Variants in TYW1B observed in about 807,000 individuals in gnomAD.
The protein encoded by TYW1B is S-adenosyl-L-methionine-dependent tRNA 4-demethylwyosine synthase TYW1B.
TYW1B carries 73 observed loss-of-function variants against 86.9 expected under a neutral mutation model. The ratio of observed to expected loss-of-function variants is 0.84; its 90% CI spans 0.70 to 1.02. The LOEUF is 1.02. TYW1B is among the 50% of genes least tolerant of loss of function. The pLI, the probability that TYW1B is intolerant of heterozygous loss-of-function variation, is 0.00. For missense variants in TYW1B, 637 were observed against 827.4 expected (o/e 0.77, Z 2.82); for synonymous variants, 248 against 292.8 (o/e 0.85, Z 1.56).
chr7:72,823,911 C>T (rs1214157598), intron 2 of TYW1B, among the ~76,000 whole-genome samples: 9 of 152,122 alleles, frequency 5.9e-5, no homozygotes, highest in African/African-American at 1.9e-4. Flanking sequence ...ACTTTCTGTA[C>T]ACCTGGATTT....
At chr7:72,764,322 GC>G (rs782266130) in intron 7 of TYW1B, among the ~76,000 whole-genome samples, 1 of 151,944 alleles carries the variant, frequency 6.6e-6, no homozygotes, top group Non-Finnish European at 1.5e-5. Flanking sequence ...ACTCTCTGTC[GC>G]CCAGACTGGA....
At chr7:72,586,128 C>G (rs1188519577) in intron 13 of TYW1B, among the ~76,000 whole-genome samples, 1 of 152,208 alleles carries the variant, frequency 6.6e-6, no homozygotes, top group South Asian at 2.1e-4. Flanking sequence ...CACATTAACG[C>G]TAACCGAGGG....
intron 5 of TYW1B, among the ~76,000 whole-genome samples, chr7:72,805,589 G>T (rs576166185): frequency 6.6e-6 from 1 of 151,744 alleles, no homozygotes; most frequent in African/African-American, 2.4e-5. Flanking sequence ...CTCTGACTGG[G>T]GGTGACAGAA....
At chr7:72,703,653 G>A (rs1244781452) in intron 10 of TYW1B, among the ~76,000 whole-genome samples, 3 of 151,742 alleles carry the variant, frequency 2.0e-5, no homozygotes, top group Non-Finnish European at 2.9e-5. Flanking sequence ...TCAGGAGTTC[G>A]AGACCAGCCT....
At chr7:72,596,026 A>C (rs571492280) in intron 13 of TYW1B, among the ~76,000 whole-genome samples, 142 of 151,946 alleles carry the variant, frequency 9.3e-4, no homozygotes, top group Non-Finnish European at 1.6e-3. Context: ...AAACACAAAA[A>C]TTAGATGGGC....
At chr7:72,653,730 T>C (rs1813121881) in intron 11 of TYW1B, among the ~76,000 whole-genome samples, 1 of 151,974 alleles carries the variant, frequency 6.6e-6, no homozygotes, top group Admixed American at 6.6e-5. Flanking sequence ...AAAAATAATA[T>C]GATCATATCA....
At chr7:72,674,857 A>G (rs1288216110) in intron 11 of TYW1B, among the ~76,000 whole-genome samples, 1 of 148,664 alleles carries the variant, frequency 6.7e-6, no homozygotes, top group African/African-American at 2.5e-5. Context: ...TCGGCCTCCC[A>G]AAGTGCTGAG....
chr7:72,728,320 T>A (rs1275925638), intron 9 of TYW1B, among the ~76,000 whole-genome samples: 2 of 152,178 alleles, frequency 1.3e-5, no homozygotes, highest in Non-Finnish European at 2.9e-5. Flanking sequence ...ATTTATTTAT[T>A]TCTGAGATGG....
intron 10 of TYW1B, among the ~76,000 whole-genome samples, chr7:72,699,140 C>T (rs1426935550): frequency 1.3e-5 from 2 of 152,014 alleles, no homozygotes; most frequent in African/African-American, 4.8e-5. Context: ...CAAAATCATA[C>T]AAAAGACGTA....
intron 10 of TYW1B, among the ~76,000 whole-genome samples, chr7:72,706,534 T>C (rs1814620588): frequency 6.6e-6 from 1 of 152,168 alleles, no homozygotes; most frequent in Non-Finnish European, 1.5e-5. Context: ...TATTCTCTCC[T>C]TACTCAAAGT....
intron 7 of TYW1B, among the ~76,000 whole-genome samples, chr7:72,758,086 G>A (rs781908467): frequency 1.3e-5 from 2 of 152,076 alleles, no homozygotes; most frequent in Non-Finnish European, 2.9e-5. Flanking sequence ...CAGTCGTGGT[G>A]GCGTGCGCCT....
chr7:72,722,974 C>T, intron 9 of TYW1B: 1 of 704,252 alleles, frequency 1.4e-6, no homozygotes, highest in Non-Finnish European at 2.6e-6. Context: ...ACCAGATGCC[C>T]TGCACTGGAT....
At chr7:72,823,931 T>C (rs1788879616) in intron 2 of TYW1B, among the ~76,000 whole-genome samples, 1 of 152,202 alleles carries the variant, frequency 6.6e-6, no homozygotes, top group Admixed American at 6.5e-5. Context: ...TGTTACCATC[T>C]GCAAGTATTC....
At chr7:72,786,279 T>C (rs112057026) in intron 6 of TYW1B, among the ~76,000 whole-genome samples, 3 of 152,274 alleles carry the variant, frequency 2.0e-5, no homozygotes, top group African/African-American at 7.2e-5. Context: ...TGGTAGCTTA[T>C]TTTTGTGTCA....
intron 10 of TYW1B, among the ~76,000 whole-genome samples, chr7:72,709,271 T>G (rs1344754837): frequency 5.3e-5 from 8 of 152,230 alleles, no homozygotes; most frequent in Admixed American, 3.3e-4. Context: ...ATATTCTGTC[T>G]TGTTCCAGGG....
intron 6 of TYW1B, among the ~76,000 whole-genome samples, chr7:72,781,770 A>G (rs1332895972): frequency 6.6e-6 from 1 of 152,118 alleles, no homozygotes; most frequent in Non-Finnish European, 1.5e-5. Flanking sequence ...TCCCATACCC[A>G]TCACACTTGC....
chr7:72,640,582 A>G (rs1343258360), intron 11 of TYW1B, among the ~76,000 whole-genome samples: 1 of 152,100 alleles, frequency 6.6e-6, no homozygotes, highest in African/African-American at 2.4e-5. Flanking sequence ...AGAAGGTGAG[A>G]AGGGCATTAT....
intron 11 of TYW1B, among the ~76,000 whole-genome samples, chr7:72,668,317 A>T (rs1240199452): frequency 2.0e-5 from 3 of 152,232 alleles, no homozygotes; most frequent in Non-Finnish European, 4.4e-5. Context: ...GCTAATTAGC[A>T]TATATATCAA....
intron 11 of TYW1B, among the ~76,000 whole-genome samples, chr7:72,652,377 GAAAAAA>G (rs1169791430): frequency 0.011 from 355 of 31,272 alleles, no homozygotes; most frequent in Admixed American, 0.021. Context: ...GACTCTGTCT[GAAAAAA>G]AAAAAAAAAA....
Sources: gnomAD v4.1 joint callset for allele counts (sites outside exome capture counted in the v4.1 genomes callset) on GRCh38, gnomAD v4.1.1 for gene constraint, MANE v1.5 for transcripts, NCBI Gene and HGNC (gene_info 2026-07-23, HGNC 2026-07-21) for gene names.